The following DCAF5 variants were observed in gnomAD, a reference collection of about 807,000 sequenced individuals.
The protein encoded by DCAF5 is DDB1 and CUL4 associated factor 5, also known as DDB1- and CUL4-associated factor 5.
Under a neutral mutation model 80.7 loss-of-function variants are expected in DCAF5, and 9 were observed. The ratio of observed to expected loss-of-function variants is 0.11; its 90% CI spans 0.07 to 0.19. The LOEUF (loss-of-function observed/expected upper bound fraction) is 0.19, where lower values mean the gene tolerates loss of function less well. DCAF5 is among the 10% of genes least tolerant of loss of function. The pLI is 1.00. For missense variants in DCAF5, 842 were observed against 1,205.7 expected (o/e 0.70, Z 4.47); for synonymous variants, 433 against 461.9 (o/e 0.94, Z 0.80).
At chr14:69,062,147 G>A (rs1422674498) in intron 8 of DCAF5, among the ~76,000 whole-genome samples, 2 of 151,664 alleles carry the variant, frequency 1.3e-5, no homozygotes, top group Non-Finnish European at 2.9e-5. Context: ...AAACTCTTAG[G>A]CTGAAGTGAT....
At chr14:69,120,796 G>C (rs2040695287) in intron 2 of DCAF5, among the ~76,000 whole-genome samples, 1 of 152,172 alleles carries the variant, frequency 6.6e-6, no homozygotes, top group African/African-American at 2.4e-5. Context: ...AAAAGAATAA[G>C]ATTCTACTCT....
chr14:69,097,224 G>A (rs1271398723), intron 5 of DCAF5, among the ~76,000 whole-genome samples: 1 of 152,158 alleles, frequency 6.6e-6, no homozygotes. Context: ...AACAAGAGAA[G>A]AGAGAAAGGT....
intron 1 of DCAF5, among the ~76,000 whole-genome samples, chr14:69,136,735 A>T (rs946294069): frequency 1.3e-5 from 2 of 152,204 alleles, no homozygotes; most frequent in Admixed American, 6.5e-5. Context: ...CTAATGGCAT[A>T]CACTGGGTAG....
chr14:69,057,207 G>A (rs771257178), intron 8 of DCAF5, among the ~76,000 whole-genome samples: 2 of 152,112 alleles, frequency 1.3e-5, no homozygotes, highest in African/African-American at 2.4e-5. Context: ...AAAATAAAGG[G>A]TTTATCTGAA....
Position 69,053,598 on chromosome 14 carries a change from AC to A in DCAF5, c.*258del, listed in dbSNP as rs2037830188. On this transcript the variant is annotated 3_prime_UTR_variant, in exon 9 of 9. Coordinates refer to ENST00000341516, the MANE Select transcript of DCAF5 (RefSeq NM_003861.3). Reference sequence around the variant, plus strand: ...TCCACAGAGCCTTGCGCGGCACACTACGCTCACGTCTCACTAGAAAGGAGTC... The same window carrying A: ...TCCACAGAGCCTTGCGCGGCACACTAGCTCACGTCTCACTAGAAAGGAGTC... 2.2e-6 allele frequency: 1 copy of A among 449,960 alleles called. No homozygotes were observed. Among genetic ancestry groups the A allele is most frequent in the African/African-American group, 2.1e-5 (1 of 48,694 alleles). 27.9% of individuals were successfully genotyped at this position (449,960 alleles called of 1,614,324 possible).
At chr14:69,080,584 T>C (rs1243121066) in intron 6 of DCAF5, among the ~76,000 whole-genome samples, 3 of 152,208 alleles carry the variant, frequency 2.0e-5, no homozygotes, top group Non-Finnish European at 4.4e-5. Flanking sequence ...TTTCAAATAG[T>C]ACCTGCTCAT....
chr14:69,123,617 T>G (rs2040791631), intron 1 of DCAF5, among the ~76,000 whole-genome samples: 1 of 152,204 alleles, frequency 6.6e-6, no homozygotes, highest in Admixed American at 6.5e-5. Flanking sequence ...CTGCCATTAT[T>G]CACCTTCAGA....
chr14:69,139,819 C>A (rs2041307523), intron 1 of DCAF5, among the ~76,000 whole-genome samples: 5 of 141,570 alleles, frequency 3.5e-5, no homozygotes, highest in Admixed American at 2.8e-4. Flanking sequence ...TGAATAAGAC[C>A]CTGTCTCAAA....
chr14:69,067,713 T>C (rs2038514927), intron 7 of DCAF5, among the ~76,000 whole-genome samples: 1 of 151,804 alleles, frequency 6.6e-6, no homozygotes, highest in African/African-American at 2.4e-5. Context: ...CTCGGCTCAC[T>C]GCAACCTTCA....
At chr14:69,096,645 G>A (rs917569847) in intron 5 of DCAF5, among the ~76,000 whole-genome samples, 2 of 152,028 alleles carry the variant, frequency 1.3e-5, no homozygotes, top group African/African-American at 4.8e-5. Context: ...TTGGCCCACA[G>A]GTTCCAAAAG....
At chr14:69,120,363 G>A (rs1464958471) in intron 2 of DCAF5, among the ~76,000 whole-genome samples, 1 of 152,114 alleles carries the variant, frequency 6.6e-6, no homozygotes, top group South Asian at 2.1e-4. Context: ...GCCTCTCAAA[G>A]TGTTGGGATT....
intron 6 of DCAF5, among the ~76,000 whole-genome samples, chr14:69,082,337 A>G (rs2039137385): frequency 6.6e-6 from 1 of 152,284 alleles, no homozygotes; most frequent in African/African-American, 2.4e-5. Flanking sequence ...GATTAACACT[A>G]TTTTTGCAAG....
intron 1 of DCAF5, among the ~76,000 whole-genome samples, chr14:69,141,569 G>A (rs1361637262): frequency 6.6e-6 from 1 of 152,120 alleles, no homozygotes; most frequent in Non-Finnish European, 1.5e-5. Context: ...ACCTTTTTAA[G>A]AATGAAAGGA....
intron 7 of DCAF5, among the ~76,000 whole-genome samples, chr14:69,064,593 C>A (rs2038359785): frequency 6.6e-6 from 1 of 152,200 alleles, no homozygotes; most frequent in South Asian, 2.1e-4. Context: ...TAGAAGCTTA[C>A]ATTCAAAAGA....
chr14:69,066,242 C>G (rs1332205834), intron 7 of DCAF5, among the ~76,000 whole-genome samples: 2 of 151,604 alleles, frequency 1.3e-5, no homozygotes, highest in Admixed American at 1.3e-4. Context: ...TCAAGCAATT[C>G]TCCTGCCTCA....
At chr14:69,091,320 C>A (rs542094920) in intron 6 of DCAF5, among the ~76,000 whole-genome samples, 1 of 152,094 alleles carries the variant, frequency 6.6e-6, no homozygotes, top group African/African-American at 2.4e-5. Flanking sequence ...TTATTGGTTT[C>A]TTTTTTTTAA....
chr14:69,142,817 G>A (rs1160511709), intron 1 of DCAF5, among the ~76,000 whole-genome samples: 1 of 152,188 alleles, frequency 6.6e-6, no homozygotes, highest in African/African-American at 2.4e-5. Flanking sequence ...CATTCAGCAT[G>A]ACTTGGGCAG....
At chr14:69,067,219 G>A (rs903905903) in intron 7 of DCAF5, among the ~76,000 whole-genome samples, 13 of 151,708 alleles carry the variant, frequency 8.6e-5, no homozygotes, top group Non-Finnish European at 1.3e-4. Context: ...GAAATGAAAA[G>A]ATGTGAGTGT....
chr14:69,116,145 C>T (rs1451107999), intron 5 of DCAF5, among the ~76,000 whole-genome samples: 1 of 152,168 alleles, frequency 6.6e-6, no homozygotes, highest in African/African-American at 2.4e-5. Context: ...TGTCTACAGT[C>T]CAGATTACTG....
Sources: gnomAD v4.1 joint callset for allele counts (sites outside exome capture counted in the v4.1 genomes callset) on GRCh38, gnomAD v4.1.1 for gene constraint, MANE v1.5 for transcripts, NCBI Gene and HGNC (gene_info 2026-07-23, HGNC 2026-07-21) for gene names.